KIAA0586: variants seen among roughly 807,000 people sequenced by gnomAD.
KIAA0586 encodes the protein protein TALPID3.
KIAA0586 carries 144 observed loss-of-function variants against 169.8 expected under a neutral mutation model. The ratio of observed to expected loss-of-function variants is 0.85; its 90% CI spans 0.74 to 0.97. The LOEUF (loss-of-function observed/expected upper bound fraction) is 0.97. Ranked by LOEUF, KIAA0586 falls within the 50% of genes least tolerant of loss-of-function variation. The pLI is 0.00. For missense variants in KIAA0586, 1,854 were observed against 1,823.0 expected (o/e 1.02, Z -0.31); for synonymous variants, 625 against 612.4 (o/e 1.02, Z -0.30).
At chr14:58,557,030 C>A in the KIAA0586 span, among the ~76,000 whole-genome samples, 1 of 152,228 alleles carries the variant, frequency 6.6e-6, no homozygotes, top group East Asian at 1.9e-4. Flanking sequence ...CAGGCATAAG[C>A]CACCACACTC....
In KIAA0586 at chr14:58,548,202, A is replaced by T. The variant is rs1290939777; in HGVS notation, c.*270A>T. 5 of 335,856 alleles carry T rather than the reference A, an allele frequency of 1.5e-5. No individual in the cohort carries two copies. The highest frequency in any genetic ancestry group is 2.1e-5 in the Non-Finnish European group (4 of 186,696). The allele number at this position is 335,856 out of a possible 1,614,324, so 20.8% of individuals were successfully genotyped here. The stretch of plus-strand genomic sequence containing the variant: ...AGGGCATGGCTTTTGACATCTAGGC[A>T]TTTAATCTATAGGTGTAATTATCTG... On this transcript the variant is annotated 3_prime_UTR_variant, in exon 31 of 31. Coordinates refer to ENST00000652326, the MANE Select transcript of KIAA0586 (RefSeq NM_001329943.3).
chr14:58,541,750 A>C (rs1566961928), intron 30 of KIAA0586, among the ~76,000 whole-genome samples: 1 of 152,164 alleles, frequency 6.6e-6, no homozygotes, highest in East Asian at 1.9e-4. Context: ...AATGTCAAAA[A>C]CGTGTATTAA....
chr14:58,497,508 C>G lies in KIAA0586; in HGVS notation c.3991-1275C>G, dbSNP rs142363753. ...CCAGGTAGCTGGGACTACAGGCACCCGCCACCACGCCTGGCTAATTTTTGT... is the reference window on the plus strand; with the variant it reads ...CCAGGTAGCTGGGACTACAGGCACCGGCCACCACGCCTGGCTAATTTTTGT... On this transcript the variant is annotated intron_variant, in intron 26 of 30. Coordinates refer to ENST00000652326, the MANE Select transcript of KIAA0586 (RefSeq NM_001329943.3). Among the ~76,000 whole-genome samples, 71 of 151,236 alleles carry G rather than the reference C, an allele frequency of 4.7e-4. No individual in the cohort carries two copies. The East Asian group carries it at 0.01, about 22-fold the overall frequency.
chr14:58,508,529 CTTT>C (rs2044162101), intron 27 of KIAA0586, 23 bp from the exon 28 acceptor site: 1 of 1,507,086 alleles, frequency 6.6e-7, no homozygotes, highest in Non-Finnish European at 9.0e-7. Flanking sequence ...TTTATTTTAA[CTTT>C]TTATTTACAT....
At chr14:58,469,420 T>G (rs1233717799) in intron 16 of KIAA0586, among the ~76,000 whole-genome samples, 5 of 152,318 alleles carry the variant, frequency 3.3e-5, no homozygotes, top group East Asian at 1.9e-4. Flanking sequence ...GGCATCCTTC[T>G]GACAGCGTAG....
intron 23 of KIAA0586, among the ~76,000 whole-genome samples, 165 bp downstream of exon 23, chr14:58,488,274 A>G (rs1006001573): frequency 2.0e-5 from 3 of 152,236 alleles, no homozygotes; most frequent in African/African-American, 7.2e-5. Flanking sequence ...AAAATTATCA[A>G]ATTATACCTT....
chr14:58,467,394 T>C (rs2040851157), intron 15 of KIAA0586, among the ~76,000 whole-genome samples: 1 of 152,228 alleles, frequency 6.6e-6, no homozygotes, highest in Admixed American at 6.5e-5. Context: ...ACAAGTACAC[T>C]GTACTACCCC....
chr14:58,471,319 A>G (rs376567464), intron 17 of KIAA0586, among the ~76,000 whole-genome samples: 1 of 152,252 alleles, frequency 6.6e-6, no homozygotes, highest in African/African-American at 2.4e-5. Context: ...TTTGATTTAC[A>G]TGGGAATTAT....
At chr14:58,451,315 T>A (rs1340009224) in intron 8 of KIAA0586, among the ~76,000 whole-genome samples, 1 of 152,088 alleles carries the variant, frequency 6.6e-6, no homozygotes, top group African/African-American at 2.4e-5. Flanking sequence ...AGCCTTTACC[T>A]CCTCAGGCTC....
intron 19 of KIAA0586, among the ~76,000 whole-genome samples, chr14:58,475,276 T>C (rs1308923581): frequency 6.6e-6 from 1 of 152,154 alleles, no homozygotes; most frequent in Non-Finnish European, 1.5e-5. Context: ...GCACAAACCC[T>C]ATTGTAAACT....
intron 13 of KIAA0586, among the ~76,000 whole-genome samples, chr14:58,460,782 G>A (rs749109485): frequency 6.6e-6 from 1 of 151,988 alleles, no homozygotes; most frequent in Non-Finnish European, 1.5e-5. Context: ...ATGTTTCTTA[G>A]GTGGATGATT....
chr14:58,446,647 T>C (rs933669042), intron 6 of KIAA0586, among the ~76,000 whole-genome samples: 3 of 152,178 alleles, frequency 2.0e-5, no homozygotes, highest in Admixed American at 6.5e-5. Flanking sequence ...TTATACTTAA[T>C]ATATCATCAT....
rs1217877598 is a variant in KIAA0586 at position 58,488,535 on chromosome 14, A to G, written c.3528-86A>G. 13 of 1,455,318 alleles carry G rather than the reference A, an allele frequency of 8.9e-6. No individual in the cohort carries two copies. The East Asian group carries it at 1.6e-4, about 18-fold the overall frequency. 90.2% of individuals were successfully genotyped at this position (1,455,318 alleles called of 1,614,324 possible). A position where few individuals can be genotyped will look rare whatever the true frequency, so the allele number is the denominator to read the frequency against. ...AAAAAAATATTTTGCTAAAGGAGAC[A>G]TAGTCTTCGAGTCTGTTTTTTATAT... On this transcript the variant is annotated intron_variant, in intron 23 of 30. Coordinates refer to ENST00000652326, the MANE Select transcript of KIAA0586 (RefSeq NM_001329943.3).
chr14:58,499,322 G>A (rs554480698), intron 27 of KIAA0586, among the ~76,000 whole-genome samples: 17 of 151,808 alleles, frequency 1.1e-4, no homozygotes, highest in Middle Eastern at 3.4e-3. Flanking sequence ...ACACAATCTC[G>A]GCCCACTGCA....
chr14:58,472,196 T>C lies in KIAA0586; in HGVS notation c.2554-3T>C, dbSNP rs780690149. ...CAAAAACTTTCTGAAAATGCTTTCT[T>C]AGACTCCAGAAATTATGAAGGTAGA... On this transcript the variant is annotated splice_region_variant and splice_polypyrimidine_tract_variant and intron_variant, in intron 17 of 30. Transcript: ENST00000652326. 1.2e-5 allele frequency: 18 copies of C among 1,543,820 alleles called. No homozygotes were observed. The highest frequency in any genetic ancestry group is 1.5e-5 in the Non-Finnish European group (17 of 1,145,112).
chr14:58,495,487 G>A (rs998829897), intron 26 of KIAA0586, among the ~76,000 whole-genome samples: 3 of 151,776 alleles, frequency 2.0e-5, no homozygotes, highest in Non-Finnish European at 2.9e-5. Context: ...TTGCAGAGAC[G>A]GGGTCTCACT....
At chr14:58,558,478 T>A in the KIAA0586 span, among the ~76,000 whole-genome samples, 3 of 152,200 alleles carry the variant, frequency 2.0e-5, no homozygotes, top group African/African-American at 7.2e-5. Context: ...TAAATTGTTG[T>A]ATAAGGGTGG....
At chr14:58,453,568 C>T in intron 9 of KIAA0586, 95 bp downstream of exon 9, 1 of 800,106 alleles carries the variant, frequency 1.2e-6, no homozygotes, top group South Asian at 2.0e-5. Flanking sequence ...TATAGCATTG[C>T]TTCTTAAATT....
At chr14:58,529,690 A>G (rs2045832806) in intron 29 of KIAA0586, among the ~76,000 whole-genome samples, 1 of 152,214 alleles carries the variant, frequency 6.6e-6, no homozygotes, top group Non-Finnish European at 1.5e-5. Flanking sequence ...TAAACTATCT[A>G]TTGATGAAAC....
Sources: gnomAD v4.1 joint callset for allele counts (sites outside exome capture counted in the v4.1 genomes callset) on GRCh38, gnomAD v4.1.1 for gene constraint, MANE v1.5 for transcripts, NCBI Gene and HGNC (gene_info 2026-07-23, HGNC 2026-07-21) for gene names.